Variants in BRD4 observed in about 807,000 individuals in gnomAD.
BRD4 encodes the protein bromodomain containing 4.
Under a neutral mutation model 142.1 loss-of-function variants are expected in BRD4, and 16 were observed. The ratio of observed to expected loss-of-function variants is 0.11; its 90% CI spans 0.08 to 0.17. BRD4 has a LOEUF of 0.17. Among genes scored for constraint, BRD4 ranks in the 10% least tolerant of loss-of-function variants. The pLI is 1.00. For synonymous variants in BRD4, 833 were observed against 707.5 expected (o/e 1.18, Z -2.82); for missense variants, 1,424 against 1,810.9 (o/e 0.79, Z 3.88).
Position 15,239,866 on chromosome 19 carries a change from C to A in BRD4, c.3282+44G>T, listed in dbSNP as rs765535087. 3 of 1,614,000 alleles carry A rather than the reference C, an allele frequency of 1.9e-6. No homozygotes were observed. Among genetic ancestry groups the A allele is most frequent in the Non-Finnish European group, 2.5e-6 (3 of 1,180,020 alleles). ...GCGGCCGGTGAGGTGGGCAGGCACCCCCGGCCCTAGCCCACAGGACTATGG... is the reference window on the plus strand; with the variant it reads ...GCGGCCGGTGAGGTGGGCAGGCACCACCGGCCCTAGCCCACAGGACTATGG... On this transcript the variant is annotated intron_variant, in intron 15 of 19. Transcript: ENST00000679869. The surrounding 1 kb of genome is among the most constrained non-coding windows in gnomAD (Gnocchi z 7.4).
intron 6 of BRD4, 88 bp downstream of exon 6, chr19:15,264,307 GCCTGGGCTT>G: frequency 6.8e-7 from 1 of 1,470,344 alleles, no homozygotes; most frequent in Non-Finnish European, 9.1e-7. Context: ...CCGTTCCAGG[GCCTGGGCTT>G]CCTCTTGGAC....
At chr19:15,289,517 C>T (rs1156690218) in intron 1 of BRD4, among the ~76,000 whole-genome samples, 7 of 152,150 alleles carry the variant, frequency 4.6e-5, no homozygotes, top group Admixed American at 4.6e-4. Flanking sequence ...CGCCACTGCA[C>T]TCCAGCCTGG....
chr19:15,259,645 G>A (rs1394695593), intron 7 of BRD4, among the ~76,000 whole-genome samples: 1 of 152,202 alleles, frequency 6.6e-6, no homozygotes, highest in Non-Finnish European at 1.5e-5. Flanking sequence ...TAGCCTGAGT[G>A]GGGGGCATCC....
chr19:15,272,545 C>T (rs960173504), intron 2 of BRD4, among the ~76,000 whole-genome samples: 3 of 152,146 alleles, frequency 2.0e-5, no homozygotes, highest in Admixed American at 6.5e-5. Flanking sequence ...GATCTGTGGG[C>T]CTTCCTTTCT....
rs1316109333 is a variant in BRD4, at chr19:15,264,638, C to T, written c.978G>A (p.Arg326=). ...CGTCCTTCTTTGGAGGTTTCACAGGCCGGCTGCTCTCCCGCCGCTGGCCCA... is the reference window on the plus strand; with the variant it reads ...CGTCCTTCTTTGGAGGTTTCACAGGTCGGCTGCTCTCCCGCCGCTGGCCCA... ...TKLGQRRESS[R]PVKPPKKDVP... Residue 326 remains arginine, a synonymous_variant, in exon 6 of 20, where the codon CGG becomes CGA. Transcript: ENST00000679869. The T allele has an allele frequency of 6.2e-7, 1 of 1,613,890 alleles. No homozygotes were observed.
At chr19:15,248,909 C>T in intron 11 of BRD4, 1 of 355,566 alleles carries the variant, frequency 2.8e-6, no homozygotes, top group Non-Finnish European at 5.2e-6. Flanking sequence ...AGAAAACATA[C>T]TTGGGGTCTG....
intron 1 of BRD4, among the ~76,000 whole-genome samples, chr19:15,273,826 T>C (rs1000803793): frequency 6.6e-6 from 1 of 151,752 alleles, no homozygotes; most frequent in Non-Finnish European, 1.5e-5. Flanking sequence ...CTTTTTTTTT[T>C]TTTTTTTTCA....
intron 1 of BRD4, among the ~76,000 whole-genome samples, chr19:15,329,039 C>T (rs907904416): frequency 6.6e-5 from 10 of 151,488 alleles, no homozygotes; most frequent in Non-Finnish European, 1.2e-4. Flanking sequence ...TCTCAAAGTG[C>T]TGGGATCACA....
chr19:15,272,546 C>G (rs919006039), intron 2 of BRD4, among the ~76,000 whole-genome samples: 2 of 152,140 alleles, frequency 1.3e-5, no homozygotes, highest in African/African-American at 4.8e-5. Flanking sequence ...ATCTGTGGGC[C>G]TTCCTTTCTC....
Position 15,254,174 on chromosome 19 carries a change from A to G in BRD4, c.2136T>C (p.Ser712=), listed in dbSNP as rs2047380959. ...AACCTGTTTCGGAGTCTTCGCTGTC[A>G]GAGGAGCTGGACTCACTGGAGCTCT... The part of the protein sequence containing the change: ...ESESSSESSS[S]DSEDSETEMA... Residue 712 remains serine, a synonymous_variant, in exon 11 of 20, where the codon TCT becomes TCC. Coordinates refer to ENST00000679869, the MANE Select transcript of BRD4 (RefSeq NM_001379291.1). The G allele has an allele frequency of 6.2e-7, 1 of 1,614,202 alleles. No homozygotes were observed. Among genetic ancestry groups the G allele is most frequent in the Non-Finnish European group, 8.5e-7 (1 of 1,180,006 alleles).
chr19:15,272,352 G>C (rs373971066), intron 2 of BRD4, among the ~76,000 whole-genome samples: 7 of 152,160 alleles, frequency 4.6e-5, no homozygotes, highest in Non-Finnish European at 8.8e-5. Flanking sequence ...TTTCCCCACC[G>C]TGTGCTCCGG....
chr19:15,264,684 G>A lies in BRD4; in HGVS notation c.932C>T (p.Pro311Leu), dbSNP rs45500091. The change falls in exon 6 of 20, where the codon CCG (proline) becomes CTG (leucine). Residue 311 changes from proline (P) to leucine (L), a missense_variant. Coordinates refer to ENST00000679869, the MANE Select transcript of BRD4 (RefSeq NM_001379291.1). ...DPIHEPPSLPPEPKTTKLGQR... is the reference protein window; with the variant it reads ...DPIHEPPSLPLEPKTTKLGQR... ...GCCCAGCTTGGTGGTCTTGGGCTCC[G>A]GGGGCAGCGAGGGTGGCTCGTGAAT... The A allele has an allele frequency of 1.7e-4, 273 of 1,613,494 alleles. No homozygotes were observed. Among genetic ancestry groups the A allele is most frequent in the South Asian group, 1.4e-3 (131 of 91,032 alleles).
At chr19:15,248,921 C>T (rs1418294688) in intron 11 of BRD4, 6 of 372,762 alleles carry the variant, frequency 1.6e-5, no homozygotes, top group Non-Finnish European at 3.0e-5. Flanking sequence ...TGGGGTCTGG[C>T]TTTGCACACA....
At chr19:15,244,672 C>T (rs202020404) in intron 12 of BRD4, 38 bp downstream of exon 12, 23 of 1,613,976 alleles carry the variant, frequency 1.4e-5, no homozygotes, top group Middle Eastern at 1.6e-4. Context: ...CCAGACCCAA[C>T]GTCCCACCTA....
intron 1 of BRD4, among the ~76,000 whole-genome samples, chr19:15,326,422 T>C (rs1473576060): frequency 6.6e-6 from 1 of 152,052 alleles, no homozygotes; most frequent in Non-Finnish European, 1.5e-5. Flanking sequence ...AGCCAGTCTC[T>C]GCATGGGTGA....
intron 11 of BRD4, among the ~76,000 whole-genome samples, chr19:15,246,790 G>A (rs1017721067): frequency 2.6e-5 from 4 of 152,124 alleles, no homozygotes; most frequent in African/African-American, 9.7e-5. Context: ...CTTGTCTCCA[G>A]GGCCCCTTGC....
chr19:15,294,951 A>G (rs2047811607), intron 1 of BRD4, among the ~76,000 whole-genome samples: 1 of 152,220 alleles, frequency 6.6e-6, no homozygotes, highest in South Asian at 2.1e-4. Flanking sequence ...AATGAAGATA[A>G]AAACTACAGT....
chr19:15,292,833 G>GA (rs1209444391), intron 1 of BRD4, among the ~76,000 whole-genome samples: 1 of 99,938 alleles, frequency 1.0e-5, no homozygotes, highest in Non-Finnish European at 2.2e-5. Context: ...AGAAAGAAAA[G>GA]AAAAGCCTGA....
intron 2 of BRD4, 28 bp downstream of exon 2, chr19:15,272,781 GACGGCC>G: frequency 6.3e-7 from 1 of 1,591,096 alleles, no homozygotes; most frequent in Non-Finnish European, 8.6e-7. Flanking sequence ...CGACCTCCAG[GACGGCC>G]ACCCTGGGCC....
Sources: gnomAD v4.1 joint callset for allele counts (sites outside exome capture counted in the v4.1 genomes callset) on GRCh38, gnomAD v4.1.1 for gene constraint, Gnocchi (gnomAD v3.1) non-coding constraint, MANE v1.5 for transcripts, NCBI Gene and HGNC (gene_info 2026-07-23, HGNC 2026-07-21) for gene names.